Variants in PRKN observed in about 807,000 individuals in gnomAD.
The protein encoded by PRKN is E3 ubiquitin-protein ligase parkin.
In PRKN, 56 loss-of-function variants were observed where a neutral mutation model predicts 59.5. The observed-to-expected ratio is 0.94, with a 90% CI of 0.76 to 1.18. The LOEUF is 1.18. PRKN is among the 50% of genes most tolerant of loss of function. The probability of loss-of-function intolerance (pLI) is 0.00; values close to 1 mark genes in which losing one functional copy is unlikely to be tolerated. For missense variants in PRKN, 657 were observed against 596.4 expected, an observed-to-expected ratio of 1.10 and a Z score of -1.06; for synonymous variants, 250 against 222.1, an observed-to-expected ratio of 1.13 and a Z score of -1.12.
rs1781115778 is a variant in PRKN, at chr6:161,575,971, G to T, written c.872-6555C>A. 6.6e-6 allele frequency among the ~76,000 whole-genome samples: 1 copy of T among 152,224 alleles called. No individual in the cohort carries two copies. The highest frequency in any genetic ancestry group is 2.4e-5 in the African/African-American group (1 of 41,460). On this transcript the variant is annotated intron_variant, in intron 7 of 11. Transcript: ENST00000366898. This position sits in a 1 kb window ranked among gnomAD's most constrained non-coding sequence, Gnocchi z 4.6. ...CTGACCTCTGAGCACAAGCCAGAGA[G>T]CATGGGCCACATGTGCAGGCTGGGC...
intron 9 of PRKN, among the ~76,000 whole-genome samples, chr6:161,408,568 C>T (rs1787384922): frequency 6.9e-6 from 1 of 145,852 alleles, no homozygotes; most frequent in African/African-American, 2.5e-5. Flanking sequence ...TTTCATTTTT[C>T]CACTTAACAA....
intron 4 of PRKN, among the ~76,000 whole-genome samples, chr6:162,108,973 A>C (rs1219296076): frequency 6.6e-6 from 1 of 152,226 alleles, no homozygotes; most frequent in Non-Finnish European, 1.5e-5. Flanking sequence ...CAGCAGCAGC[A>C]GCGCTGCCCC....
intron 1 of PRKN, among the ~76,000 whole-genome samples, chr6:162,555,072 C>T (rs1031060968): frequency 6.6e-6 from 1 of 151,768 alleles, no homozygotes; most frequent in South Asian, 2.1e-4. Context: ...TAGGAAGGGC[C>T]CATAGGTTGG....
At chr6:161,981,043 G>C (rs1781240815) in intron 5 of PRKN, among the ~76,000 whole-genome samples, 1 of 152,182 alleles carries the variant, frequency 6.6e-6, no homozygotes, top group African/African-American at 2.4e-5. Context: ...ATTTTCCGAT[G>C]ATATTAACAG....
At chr6:162,211,052 G>C (rs1284043559) in intron 3 of PRKN, among the ~76,000 whole-genome samples, 1 of 152,180 alleles carries the variant, frequency 6.6e-6, no homozygotes, top group Non-Finnish European at 1.5e-5. Flanking sequence ...GGGGTCATCA[G>C]AGATTTACAG....
At chr6:162,387,555 C>CACAG (rs1212726833) in intron 2 of PRKN, among the ~76,000 whole-genome samples, 242 of 95,618 alleles carry the variant, frequency 2.5e-3, no homozygotes, top group Middle Eastern at 7.6e-3. Context: ...CACACACACA[C>CACAG]AGAGAGAGAG....
rs1391123032 is a variant in PRKN at position 162,615,754 on chromosome 6, A to G, written c.7+111908T>C. 2.0e-5 allele frequency among the ~76,000 whole-genome samples: 3 copies of G among 152,190 alleles called. No homozygotes were observed. In the East Asian group the frequency reaches 5.8e-4, roughly 29 times the overall value. On this transcript the variant is annotated intron_variant, in intron 1 of 11. Coordinates refer to ENST00000366898, the MANE Select transcript of PRKN (RefSeq NM_004562.3). ...ACAGGAACTGAAAAATACAGTGTAA[A>G]ATCAGGACAGGATAGAAGAGAGGGA...
rs1781340875 is a variant in PRKN at position 161,581,569 on chromosome 6, C to A, written c.872-12153G>T. On this transcript the variant is annotated intron_variant, in intron 7 of 11. Coordinates refer to ENST00000366898, the MANE Select transcript of PRKN (RefSeq NM_004562.3). The surrounding 1 kb of genome is among the most constrained non-coding windows in gnomAD (Gnocchi z 4.5). The stretch of plus-strand genomic sequence containing the variant: ...GAAGTCTGAGGTTTGAGTCACTGGA[C>A]AATCAGAAGCAAAGACTTACTTATG... Among the ~76,000 whole-genome samples, 2 of 152,084 alleles carry A rather than the reference C, an allele frequency of 1.3e-5. No individual in the cohort carries two copies. Among genetic ancestry groups the A allele is most frequent in the South Asian group, 4.2e-4 (2 of 4,814 alleles).
At chr6:161,659,510 T>C (rs1398702695) in intron 7 of PRKN, among the ~76,000 whole-genome samples, 1 of 152,134 alleles carries the variant, frequency 6.6e-6, no homozygotes, top group African/African-American at 2.4e-5. Context: ...CTGCTGAGGA[T>C]ACAGAGCAGT....
intron 1 of PRKN, among the ~76,000 whole-genome samples, chr6:162,530,403 GAAATTA>G (rs1451702127): frequency 6.6e-6 from 1 of 152,144 alleles, no homozygotes; most frequent in Non-Finnish European, 1.5e-5. Flanking sequence ...AAGCCACATT[GAAATTA>G]AACAGACTGC....
At chr6:162,126,523 T>C (rs1583069675) in intron 4 of PRKN, among the ~76,000 whole-genome samples, 2 of 152,312 alleles carry the variant, frequency 1.3e-5, no homozygotes, top group East Asian at 3.9e-4. Context: ...AATAGCAAAG[T>C]CACACATTTT....
chr6:162,310,560 T>G (rs1286403840), intron 2 of PRKN, among the ~76,000 whole-genome samples: 4 of 151,902 alleles, frequency 2.6e-5, no homozygotes, highest in Non-Finnish European at 5.9e-5. Flanking sequence ...AGGAAGAAAT[T>G]TCTGTTGTTT....
chr6:162,059,307 C>G (rs1357313219), intron 4 of PRKN, among the ~76,000 whole-genome samples: 1 of 120,572 alleles, frequency 8.3e-6, no homozygotes, highest in Non-Finnish European at 1.7e-5. Flanking sequence ...TCTTTTGAAT[C>G]TGGGACTTTA....
intron 4 of PRKN, among the ~76,000 whole-genome samples, chr6:162,162,526 A>G (rs889160705): frequency 6.6e-6 from 1 of 152,162 alleles, no homozygotes; most frequent in African/African-American, 2.4e-5. Flanking sequence ...GACAAGAGGG[A>G]ACTACTGTAA....
At chr6:162,512,309 G>C (rs908492065) in intron 1 of PRKN, among the ~76,000 whole-genome samples, 1 of 152,160 alleles carries the variant, frequency 6.6e-6, no homozygotes, top group Admixed American at 6.5e-5. Flanking sequence ...TTAGCACAAA[G>C]TATACCTTTA....
rs1582952033 is a variant in PRKN, at chr6:161,348,938, A to G, written c.*1161T>C. On this transcript the variant is annotated 3_prime_UTR_variant, in exon 12 of 12. Transcript: ENST00000366898. This position sits in a 1 kb window ranked among gnomAD's most constrained non-coding sequence, Gnocchi z 4.9. ...GAACTGAAATCCAATCCATGTCAAC[A>G]TAAGGAATATTCTAGTGAGTTTACT... is the stretch of plus-strand genomic sequence containing the variant. 1.5e-5 allele frequency: 3 copies of G among 202,788 alleles called. 1 individual carries two copies. The South Asian group carries it at 5.7e-4, about 39-fold the overall frequency. The allele number at this position is 202,788 out of a possible 1,614,324, so 12.6% of individuals were successfully genotyped here.
intron 1 of PRKN, among the ~76,000 whole-genome samples, chr6:162,562,478 G>A (rs1779883410): frequency 6.6e-6 from 1 of 152,134 alleles, no homozygotes; most frequent in South Asian, 2.1e-4. Flanking sequence ...GCTCTGAAGG[G>A]TGAGTCCCAG....
chr6:161,953,229 G>C (rs1275437371), intron 6 of PRKN, among the ~76,000 whole-genome samples: 1 of 151,898 alleles, frequency 6.6e-6, no homozygotes, highest in Non-Finnish European at 1.5e-5. Context: ...TTCCTGCCTC[G>C]GCCTGCCAAG....
chr6:161,748,936 C>T (rs75646920), intron 7 of PRKN, among the ~76,000 whole-genome samples: 3,409 of 152,284 alleles, frequency 0.022, 41 homozygotes, highest in South Asian at 0.04. Context: ...TATTCCACAA[C>T]GCATGAAAAG....
Sources: allele counts gnomAD v4.1 joint callset (sites outside exome capture counted in the v4.1 genomes callset), GRCh38; gene constraint gnomAD v4.1.1; non-coding constraint Gnocchi (gnomAD v3.1); transcripts MANE v1.5; gene names NCBI Gene and HGNC (gene_info 2026-07-23, HGNC 2026-07-21).